UBE3A: variants seen among roughly 807,000 people sequenced by gnomAD.
UBE3A encodes ubiquitin-protein ligase E3A.
A neutral mutation model predicts 83.4 loss-of-function variants in UBE3A; 6 were observed. That is an observed-to-expected ratio of 0.07 (90% CI 0.04 to 0.14). The LOEUF is 0.14. Ranked by LOEUF, UBE3A falls within the 10% of genes least tolerant of loss-of-function variation. The pLI is 1.00. For synonymous variants in UBE3A, 337 were observed against 355.4 expected (o/e 0.95, Z 0.58); for missense variants, 456 against 1,036.1 (o/e 0.44, Z 7.69).
chr15:25,419,169 C>G (rs1384968945), intron 1 of UBE3A: 1 of 152,070 alleles, frequency 6.6e-6, no homozygotes, highest in East Asian at 1.9e-4. Flanking sequence ...TATTACACAG[C>G]AATAAATAAC....
chr15:25,415,283 C>A (rs559561059), intron 1 of UBE3A, among the ~76,000 whole-genome samples: 1 of 152,286 alleles, frequency 6.6e-6, no homozygotes, highest in African/African-American at 2.4e-5. Context: ...TATTCAAAAG[C>A]TTTAACACTT....
intron 1 of UBE3A, among the ~76,000 whole-genome samples, chr15:25,425,770 T>C (rs773425483): frequency 2.0e-5 from 3 of 152,186 alleles, no homozygotes; most frequent in Non-Finnish European, 2.9e-5. Context: ...ACACCAATAT[T>C]TGAGGGATGG....
intron 1 of UBE3A, among the ~76,000 whole-genome samples, chr15:25,433,229 G>A (rs987112714): frequency 7.7e-5 from 11 of 142,546 alleles, no homozygotes; most frequent in Non-Finnish European, 1.5e-5. Context: ...GTCTCACTCT[G>A]TCGCCAGGCA....
intron 11 of UBE3A, among the ~76,000 whole-genome samples, chr15:25,342,380 T>A (rs1300397766): frequency 6.6e-6 from 1 of 151,846 alleles, no homozygotes; most frequent in African/African-American, 2.4e-5. Flanking sequence ...TCTGGCTATA[T>A]TATTACGGAG....
chr15:25,375,351 A>C, intron 5 of UBE3A, 114 bp downstream of exon 5: 8 of 1,308,698 alleles, frequency 6.1e-6, no homozygotes, highest in African/African-American at 1.5e-5. Context: ...AATTGGTTCT[A>C]CGATATCAAA....
At chr15:25,419,744 A>G (rs1324578209) in intron 1 of UBE3A, among the ~76,000 whole-genome samples, 5 of 152,120 alleles carry the variant, frequency 3.3e-5, no homozygotes, top group Non-Finnish European at 7.4e-5. Context: ...TAAGATCATA[A>G]TACCAAAAAG....
rs2073846679 is a variant in UBE3A, at chr15:25,334,048, C to CTGGAGG, written c.*5088_*5089insCCTCCA. On this transcript the variant is annotated 3_prime_UTR_variant, in exon 13 of 13. Coordinates refer to ENST00000648336, the MANE Select transcript of UBE3A (RefSeq NM_130839.5). ...AAAATCAGGAACAAGAAAAAGATGTCTGCTCTTGTCACTTCTATCCAATAT... is the reference window on the plus strand; with the variant it reads ...AAAATCAGGAACAAGAAAAAGATGTCTGGAGGTGCTCTTGTCACTTCTATCCAATAT... 1 of 152,130 alleles carries CTGGAGG rather than the reference C, an allele frequency of 6.6e-6. No individual in the cohort carries two copies. The highest frequency in any genetic ancestry group is 1.5e-5 in the Non-Finnish European group (1 of 68,020). 9.4% of individuals were successfully genotyped at this position (152,130 alleles called of 1,614,324 possible). A position where few individuals can be genotyped will look rare whatever the true frequency, so the allele number is the denominator to read the frequency against.
chr15:25,390,928 T>C (rs1445401710), intron 4 of UBE3A, among the ~76,000 whole-genome samples: 1 of 148,292 alleles, frequency 6.7e-6, no homozygotes, highest in East Asian at 2.1e-4. Context: ...TCTGTGAACC[T>C]AGAACTCCTG....
chr15:25,360,297 A>G, intron 7 of UBE3A, 86 bp downstream of exon 7: 4 of 1,573,566 alleles, frequency 2.5e-6, no homozygotes, highest in East Asian at 2.3e-5. Context: ...TGCTCTTCAT[A>G]GCTGAAAATA....
Position 25,371,488 on chromosome 15 carries a change from ACAT to A in UBE3A, c.683_685del (p.Asp228del), listed in dbSNP as rs773438461. On this transcript the variant is annotated inframe_deletion, in exon 6 of 13. Transcript: ENST00000648336. This position sits in a 1 kb window ranked among gnomAD's most constrained non-coding sequence, Gnocchi z 5.3. ...TCTAATGGCATCAATATCCACAGAC[ACAT>A]CATCAGGGCCTAATTTTTGCAAATT... 6 of 1,614,000 alleles carry A rather than the reference ACAT, an allele frequency of 3.7e-6. No individual in the cohort carries two copies. In the African/African-American group the frequency reaches 8.0e-5, roughly 22 times the overall value.
intron 1 of UBE3A, among the ~76,000 whole-genome samples, chr15:25,412,700 A>ATAAAGAAAGCAAATCTCAAAGG (rs1345038796): frequency 2.6e-5 from 4 of 152,194 alleles, no homozygotes; most frequent in Non-Finnish European, 4.4e-5. Context: ...TGCATTACAT[A>ATAAAGAAAGCAAATCTCAAAGG]TAAAGAAAGC....
chr15:25,427,720 G>C (rs1213074855), intron 1 of UBE3A, among the ~76,000 whole-genome samples: 1 of 149,522 alleles, frequency 6.7e-6, no homozygotes, highest in African/African-American at 2.5e-5. Context: ...GAGGCCAGGG[G>C]GTTCAAGGAT....
chr15:25,344,716 T>A lies in UBE3A; in HGVS notation c.2355-4488A>T, dbSNP rs904464228. On this transcript the variant is annotated intron_variant, in intron 11 of 12. Coordinates refer to ENST00000648336, the MANE Select transcript of UBE3A (RefSeq NM_130839.5). Reference sequence around the variant, plus strand: ...TACTCTAAAAACCTTAAATCTATTTTATCATGCCTTTTCTGTAGAACTGTT... The same window carrying A: ...TACTCTAAAAACCTTAAATCTATTTAATCATGCCTTTTCTGTAGAACTGTT... 2.0e-5 allele frequency among the ~76,000 whole-genome samples: 3 copies of A among 152,210 alleles called. No individual in the cohort carries two copies. The South Asian group carries it at 6.2e-4, about 31-fold the overall frequency.
At chr15:25,373,958 A>G (rs941256315) in intron 5 of UBE3A, 3 of 152,214 alleles carry the variant, frequency 2.0e-5, no homozygotes, top group African/African-American at 7.2e-5. Context: ...TCAATCTTTT[A>G]AATTTTGCAC....
At chr15:25,379,811 A>G (rs2081881546) in intron 4 of UBE3A, among the ~76,000 whole-genome samples, 1 of 152,180 alleles carries the variant, frequency 6.6e-6, no homozygotes, top group Non-Finnish European at 1.5e-5. Context: ...AATATTTTAC[A>G]TTTTTAAATG....
chr15:25,342,773 A>T (rs1414108502), intron 11 of UBE3A, among the ~76,000 whole-genome samples: 1 of 152,132 alleles, frequency 6.6e-6, no homozygotes, highest in Non-Finnish European at 1.5e-5. Flanking sequence ...GCGGAATCAT[A>T]CTGATTAGGG....
At chr15:25,378,729 A>C (rs2081646442) in intron 4 of UBE3A, among the ~76,000 whole-genome samples, 1 of 152,192 alleles carries the variant, frequency 6.6e-6, no homozygotes, top group Non-Finnish European at 1.5e-5. Flanking sequence ...ATTATTTTTT[A>C]ACATGAGTAA....
chr15:25,375,288 A>G lies in UBE3A; in HGVS notation c.361+177T>C, dbSNP rs2081026349. 5 of 692,396 alleles carry G rather than the reference A, an allele frequency of 7.2e-6. No individual in the cohort carries two copies. In the South Asian group the frequency reaches 9.9e-5, roughly 14 times the overall value. The allele number at this position is 692,396 out of a possible 1,614,324, so 42.9% of individuals were successfully genotyped here. A position where few individuals can be genotyped will look rare whatever the true frequency, so the allele number is the denominator to read the frequency against. ...GCATATGATCTGCTTCTAATTAGCAATGATTAGACCTGTAAAATGTAGTTA... is the reference window on the plus strand; with the variant it reads ...GCATATGATCTGCTTCTAATTAGCAGTGATTAGACCTGTAAAATGTAGTTA... On this transcript the variant is annotated intron_variant, in intron 5 of 12. Transcript: ENST00000648336.
At chr15:25,420,955 CAATGA>C (rs1889527522) in intron 1 of UBE3A, among the ~76,000 whole-genome samples, 1 of 152,186 alleles carries the variant, frequency 6.6e-6, no homozygotes, top group Non-Finnish European at 1.5e-5. Flanking sequence ...TATATGCACA[CAATGA>C]AATATTACTC....
Sources: allele counts gnomAD v4.1 joint callset (sites outside exome capture counted in the v4.1 genomes callset), GRCh38; gene constraint gnomAD v4.1.1; non-coding constraint Gnocchi (gnomAD v3.1); transcripts MANE v1.5; gene names NCBI Gene and HGNC (gene_info 2026-07-23, HGNC 2026-07-21).